SHISA9: variants seen among roughly 807,000 people sequenced by gnomAD.
SHISA9 encodes shisa family member 9.
A neutral mutation model predicts 38.0 loss-of-function variants in SHISA9; 13 were observed. That is an observed-to-expected ratio of 0.34 (90% confidence interval 0.22 to 0.54). The LOEUF (loss-of-function observed/expected upper bound fraction) is 0.54, where lower values mean the gene tolerates loss of function less well. Ranked by LOEUF, SHISA9 falls within the 20% of genes least tolerant of loss-of-function variation. The pLI, the probability that SHISA9 is intolerant of heterozygous loss-of-function variation, is 0.91. For missense variants in SHISA9, 538 were observed against 575.8 expected, an observed-to-expected ratio of 0.93 and a Z score of 0.67; for synonymous variants, 275 against 242.0, an observed-to-expected ratio of 1.14 and a Z score of -1.27.
intron 2 of SHISA9, among the ~76,000 whole-genome samples, chr16:12,961,268 G>A (rs185543774): frequency 5.5e-4 from 83 of 152,250 alleles, no homozygotes; most frequent in Non-Finnish European, 1.0e-3. Flanking sequence ...CCAGAATGGT[G>A]GGAGCAGAGG....
chr16:13,417,430 G>C, the SHISA9 span, among the ~76,000 whole-genome samples: 1 of 152,136 alleles, frequency 6.6e-6, no homozygotes. Context: ...GGAGAAGGGA[G>C]AACTGGGTTG....
At chr16:13,109,158 C>T (rs533550704) in intron 2 of SHISA9, among the ~76,000 whole-genome samples, 3 of 152,274 alleles carry the variant, frequency 2.0e-5, no homozygotes, top group African/African-American at 7.2e-5. Context: ...TCCTGAGTAG[C>T]CGAGACTACA....
At chr16:13,530,975 A>G in the SHISA9 span, among the ~76,000 whole-genome samples, 2 of 152,288 alleles carry the variant, frequency 1.3e-5, no homozygotes, top group Admixed American at 1.3e-4. Context: ...GCCTGGGACT[A>G]TTTCACCCAC....
chr16:12,947,375 C>T (rs928095366), intron 2 of SHISA9, among the ~76,000 whole-genome samples: 16 of 152,208 alleles, frequency 1.1e-4, no homozygotes, highest in African/African-American at 3.6e-4. Flanking sequence ...CATTTAGAAA[C>T]CCTTAATCAG....
At chr16:13,554,371 G>A in the SHISA9 span, among the ~76,000 whole-genome samples, 4 of 150,106 alleles carry the variant, frequency 2.7e-5, no homozygotes, top group Non-Finnish European at 4.4e-5. Context: ...AGGAAACAGA[G>A]GACTTATATG....
the SHISA9 span, among the ~76,000 whole-genome samples, chr16:13,333,254 C>G: frequency 2.0e-5 from 3 of 152,298 alleles, no homozygotes; most frequent in East Asian, 1.9e-4. Flanking sequence ...ATGGGAGGAC[C>G]AGTTTGGTCC....
chr16:12,976,028 A>T (rs1390566848), intron 2 of SHISA9, among the ~76,000 whole-genome samples: 1 of 152,166 alleles, frequency 6.6e-6, no homozygotes, highest in African/African-American at 2.4e-5. Flanking sequence ...TGTTGGAACC[A>T]ATCATGGGTT....
intron 2 of SHISA9, among the ~76,000 whole-genome samples, chr16:13,074,746 C>A (rs995778986): frequency 1.3e-5 from 2 of 150,814 alleles, no homozygotes; most frequent in Non-Finnish European, 2.9e-5. Context: ...CTCACTGCAA[C>A]CTCTGCCTCC....
At chr16:13,323,781 G>A in the SHISA9 span, among the ~76,000 whole-genome samples, 3 of 152,152 alleles carry the variant, frequency 2.0e-5, no homozygotes. Context: ...TATGAGAACA[G>A]CATAGGGGAA....
the SHISA9 span, among the ~76,000 whole-genome samples, chr16:13,339,790 G>A: frequency 6.6e-6 from 1 of 152,110 alleles, no homozygotes; most frequent in East Asian, 1.9e-4. Context: ...AACTCTGAGT[G>A]CCTCAGTTAG....
At chr16:13,437,818 G>A in the SHISA9 span, among the ~76,000 whole-genome samples, 1 of 126,306 alleles carries the variant, frequency 7.9e-6, no homozygotes, top group East Asian at 3.0e-4. Flanking sequence ...ATTCCAAGTG[G>A]TGGATCTAAG....
At chr16:13,406,844 A>G in the SHISA9 span, among the ~76,000 whole-genome samples, 17 of 152,042 alleles carry the variant, frequency 1.1e-4, no homozygotes, top group African/African-American at 3.9e-4. Flanking sequence ...TGAGGCGGGC[A>G]GATCATCTGA....
chr16:13,295,667 T>C, the SHISA9 span, among the ~76,000 whole-genome samples: 1 of 152,152 alleles, frequency 6.6e-6, no homozygotes. Flanking sequence ...AGGTAAGAGA[T>C]GTGTCAGGTG....
chr16:12,997,705 C>T (rs2072475715), intron 2 of SHISA9, among the ~76,000 whole-genome samples: 1 of 152,174 alleles, frequency 6.6e-6, no homozygotes, highest in African/African-American at 2.4e-5. Context: ...CATACCCAGC[C>T]TTAACCTAAA....
chr16:13,453,121 C>T, the SHISA9 span, among the ~76,000 whole-genome samples: 20 of 152,070 alleles, frequency 1.3e-4, no homozygotes, highest in African/African-American at 4.1e-4. Context: ...AACTCCTGAC[C>T]TTGTGATCTG....
chr16:13,073,583 C>A (rs1409693152), intron 2 of SHISA9, among the ~76,000 whole-genome samples: 1 of 152,142 alleles, frequency 6.6e-6, no homozygotes, highest in Non-Finnish European at 1.5e-5. Context: ...ATCTGCAGTG[C>A]AAAGTCAAAT....
the SHISA9 span, among the ~76,000 whole-genome samples, chr16:13,260,007 CT>C: frequency 3.0e-3 from 184 of 60,438 alleles, no homozygotes; most frequent in East Asian, 7.1e-3. Context: ...TTCTTTCTTT[CT>C]TTTTTTTTTT....
intron 2 of SHISA9, among the ~76,000 whole-genome samples, chr16:13,037,243 A>T (rs1252727523): frequency 1.3e-5 from 2 of 152,038 alleles, no homozygotes; most frequent in African/African-American, 2.4e-5. Flanking sequence ...TTGAAGGCAG[A>T]ATTGGTCGGC....
At chr16:13,075,527 G>T (rs1468853846) in intron 2 of SHISA9, among the ~76,000 whole-genome samples, 1 of 152,180 alleles carries the variant, frequency 6.6e-6, no homozygotes, top group South Asian at 2.1e-4. Context: ...GGAATGGTCA[G>T]CTAGGGTCGT....
Sources: allele counts gnomAD v4.1 joint callset (sites outside exome capture counted in the v4.1 genomes callset), GRCh38; gene constraint gnomAD v4.1.1; transcripts MANE v1.5; gene names NCBI Gene and HGNC (gene_info 2026-07-23, HGNC 2026-07-21).